The following PLCH1 variants were observed in gnomAD, a reference collection of about 807,000 sequenced individuals.
The protein encoded by PLCH1 is phospholipase C eta 1.
A neutral mutation model predicts 126.7 loss-of-function variants in PLCH1; 60 were observed. That is an observed-to-expected ratio of 0.47 (90% confidence interval 0.38 to 0.59). The LOEUF is 0.59. Ranked by LOEUF, PLCH1 falls within the 20% of genes least tolerant of loss-of-function variation. The pLI is 0.00. For missense variants in PLCH1, 1,723 were observed against 2,040.0 expected, an observed-to-expected ratio of 0.84 and a Z score of 2.99; for synonymous variants, 719 against 734.9, an observed-to-expected ratio of 0.98 and a Z score of 0.35.
intron 2 of PLCH1, among the ~76,000 whole-genome samples, chr3:155,666,343 A>T (rs115245686): frequency 6.6e-6 from 1 of 152,202 alleles, no homozygotes; most frequent in Admixed American, 6.5e-5. Context: ...AGGCAAAAAC[A>T]TATATATCTA....
At chr3:155,624,511 A>G (rs1339926760) in intron 2 of PLCH1, among the ~76,000 whole-genome samples, 2 of 152,244 alleles carry the variant, frequency 1.3e-5, no homozygotes, top group Non-Finnish European at 1.5e-5. Flanking sequence ...CCATTGTCTC[A>G]GCCCAAAATC....
At chr3:155,472,179 AG>A (rs1243679526) in intron 21 of PLCH1, among the ~76,000 whole-genome samples, 1 of 152,164 alleles carries the variant, frequency 6.6e-6, no homozygotes, top group African/African-American at 2.4e-5. Context: ...ATAGACCACT[AG>A]CAAGACTAAT....
At chr3:155,506,449 C>G (rs1466749380) in intron 12 of PLCH1, among the ~76,000 whole-genome samples, 1 of 151,378 alleles carries the variant, frequency 6.6e-6, no homozygotes, top group African/African-American at 2.4e-5. Flanking sequence ...TGCGCTGCAC[C>G]CACTAACGTG....
rs189305455 is a variant in PLCH1, at chr3:155,737,848, C to A, written c.-41+6992G>T. 2.9e-3 allele frequency among the ~76,000 whole-genome samples: 446 copies of A among 152,200 alleles called. 17 individuals are homozygous for A. Among genetic ancestry groups the A allele is most frequent in the Admixed American group, 0.027 (412 of 15,284 alleles). ...GCAGAAGTTTTATTAGCACTCCATG[C>A]AGATCTAAGGTCCAGAAGCCTCTTC... On this transcript the variant is annotated intron_variant, in intron 1 of 22. Transcript: ENST00000460012.
chr3:155,692,762 ATT>A (rs35785650), intron 2 of PLCH1, among the ~76,000 whole-genome samples: 36,548 of 148,072 alleles, frequency 0.25, 4,759 homozygotes, highest in East Asian at 0.46. Context: ...ATCATTAGCA[ATT>A]TTTTTTTTTT....
At chr3:155,663,032 C>T (rs1387228665) in intron 2 of PLCH1, among the ~76,000 whole-genome samples, 1 of 152,150 alleles carries the variant, frequency 6.6e-6, no homozygotes, top group Non-Finnish European at 1.5e-5. Flanking sequence ...ATCTTTTCTT[C>T]TGATTGAAAA....
In PLCH1 at chr3:155,586,106, T is replaced by A. The variant is rs762095767; in HGVS notation, c.559A>T (p.Asn187Tyr). Residue 187 changes from asparagine (N) to tyrosine (Y), a missense_variant, in exon 5 of 23, where the codon AAT becomes TAT. Asn to Tyr is a moderately radical substitution (Grantham distance 143). Transcript: ENST00000460012. ...ACTTTTCTTCGGGGCAGATTAACATTCAGTTTATGCATCAGCTGATGTATC... is the reference window on the plus strand; with the variant it reads ...ACTTTTCTTCGGGGCAGATTAACATACAGTTTATGCATCAGCTGATGTATC... ...EEIHQLMHKL[N>Y]VNLPRRKVRQ... 1.2e-6 allele frequency: 2 copies of A among 1,613,870 alleles called. No individual in the cohort carries two copies. Among genetic ancestry groups the A allele is most frequent in the Non-Finnish European group, 1.7e-6 (2 of 1,179,890 alleles).
At chr3:155,727,287 T>C (rs1748407469) in intron 1 of PLCH1, among the ~76,000 whole-genome samples, 1 of 152,006 alleles carries the variant, frequency 6.6e-6, no homozygotes, top group Non-Finnish European at 1.5e-5. Flanking sequence ...TTAATTTCAT[T>C]GGCAGAAATT....
chr3:155,707,304 AC>A (rs1746750223), intron 1 of PLCH1, among the ~76,000 whole-genome samples: 1 of 152,214 alleles, frequency 6.6e-6, no homozygotes, highest in African/African-American at 2.4e-5. Context: ...GATGATTCTA[AC>A]CCCAAGTATT....
chr3:155,667,499 G>T (rs1742856768), intron 2 of PLCH1, among the ~76,000 whole-genome samples: 1 of 152,028 alleles, frequency 6.6e-6, no homozygotes, highest in Non-Finnish European at 1.5e-5. Flanking sequence ...GAATAAATAA[G>T]TTCAGGATAA....
chr3:155,472,293 C>T (rs1408186393), intron 21 of PLCH1, among the ~76,000 whole-genome samples: 1 of 152,180 alleles, frequency 6.6e-6, no homozygotes, highest in Non-Finnish European at 1.5e-5. Context: ...GAGAATACTA[C>T]AAACAACTCT....
chr3:155,707,339 T>C (rs1466018288), intron 1 of PLCH1, among the ~76,000 whole-genome samples: 1 of 152,180 alleles, frequency 6.6e-6, no homozygotes, highest in Non-Finnish European at 1.5e-5. Context: ...CAGATACTGA[T>C]GAGAAGAAAT....
intron 2 of PLCH1, among the ~76,000 whole-genome samples, chr3:155,650,304 C>T (rs1346749950): frequency 6.6e-6 from 1 of 152,128 alleles, no homozygotes; most frequent in Non-Finnish European, 1.5e-5. Context: ...ACTTCCAAAT[C>T]CAAATCCATG....
intron 2 of PLCH1, among the ~76,000 whole-genome samples, chr3:155,618,613 T>C (rs1199716778): frequency 6.6e-6 from 1 of 152,218 alleles, no homozygotes; most frequent in African/African-American, 2.4e-5. Flanking sequence ...AGATTCATTT[T>C]CCAGCCTATT....
At chr3:155,566,113 A>G (rs1482960969) in intron 7 of PLCH1, among the ~76,000 whole-genome samples, 1 of 53,232 alleles carries the variant, frequency 1.9e-5, no homozygotes, top group African/African-American at 5.0e-5. Context: ...ATATATATAC[A>G]TATATATATG....
chr3:155,676,333 A>C, intron 2 of PLCH1: 1 of 1,088,570 alleles, frequency 9.2e-7, no homozygotes, highest in Non-Finnish European at 1.1e-6. Context: ...GGCTGCCGCT[A>C]TTGTGGGAAT....
chr3:155,566,867 G>A (rs1352360921), intron 7 of PLCH1, among the ~76,000 whole-genome samples: 1 of 151,940 alleles, frequency 6.6e-6, no homozygotes, highest in African/African-American at 2.4e-5. Flanking sequence ...AAATCATTTG[G>A]TATAATTATA....
At chr3:155,469,083 C>T (rs899944142) in intron 21 of PLCH1, among the ~76,000 whole-genome samples, 9 of 152,034 alleles carry the variant, frequency 5.9e-5, no homozygotes, top group Non-Finnish European at 1.0e-4. Context: ...CCAAGATGGC[C>T]GAATAGGAAC....
chr3:155,456,777 C>G (rs1301415453), intron 21 of PLCH1: 1 of 152,712 alleles, frequency 6.5e-6, no homozygotes, highest in Non-Finnish European at 1.5e-5. Flanking sequence ...CCTTCCCACT[C>G]CTTAGTAGAC....
Sources: gnomAD v4.1 joint callset for allele counts (sites outside exome capture counted in the v4.1 genomes callset) on GRCh38, gnomAD v4.1.1 for gene constraint, MANE v1.5 for transcripts, NCBI Gene and HGNC (gene_info 2026-07-23, HGNC 2026-07-21) for gene names.